Variants in COG5 observed in about 807,000 individuals in gnomAD.
The protein encoded by COG5 is conserved oligomeric Golgi complex subunit 5.
In COG5, 86 loss-of-function variants were observed where a neutral mutation model predicts 110.4. The ratio of observed to expected loss-of-function variants is 0.78; its 90% CI spans 0.65 to 0.93. The LOEUF (loss-of-function observed/expected upper bound fraction) is 0.93. COG5 is among the 40% of genes least tolerant of loss of function. The pLI is 0.00. For missense variants in COG5, 1,077 were observed against 987.0 expected (o/e 1.09, Z -1.22); for synonymous variants, 360 against 334.6 (o/e 1.08, Z -0.83).
intron 5 of COG5, among the ~76,000 whole-genome samples, chr7:107,534,500 A>G (rs1801438700): frequency 1.3e-5 from 2 of 151,370 alleles, no homozygotes; most frequent in African/African-American, 4.9e-5. Flanking sequence ...GCAAAAAAAA[A>G]AAAAGTGGGG....
At chr7:107,509,106 A>C (rs1329392010) in intron 6 of COG5, among the ~76,000 whole-genome samples, 1 of 152,204 alleles carries the variant, frequency 6.6e-6, no homozygotes, top group East Asian at 1.9e-4. Context: ...TCTGAGCTAA[A>C]GGAGAAAGTT....
intron 19 of COG5, among the ~76,000 whole-genome samples, chr7:107,226,538 C>T (rs116368537): frequency 3.7e-4 from 57 of 152,262 alleles, no homozygotes; most frequent in Non-Finnish European, 6.5e-4. Flanking sequence ...TGGTAGGACC[C>T]GCCACATGGG....
At position 107,201,541 on chromosome 7, in the gene COG5, AGATACT is replaced by A; in HGVS notation, c.*1969_*1974del. 2 of 606,536 alleles carry A rather than the reference AGATACT, an allele frequency of 3.3e-6. No individual in the cohort carries two copies. The highest frequency in any genetic ancestry group is 5.3e-4 in the Middle Eastern group (2 of 3,776). The allele number at this position is 606,536 out of a possible 1,614,324, so 37.6% of individuals were successfully genotyped here. ...TTTGTCCTCAATTCGTGTGACCATA[AGATACT>A]GATAGCATTGAGTCTTGAAATGATT... On this transcript the variant is annotated 3_prime_UTR_variant, in exon 22 of 22. Coordinates refer to ENST00000297135, the MANE Select transcript of COG5 (RefSeq NM_006348.5).
At chr7:107,538,883 T>C (rs1228619645) in intron 5 of COG5, among the ~76,000 whole-genome samples, 2 of 152,122 alleles carry the variant, frequency 1.3e-5, no homozygotes, top group African/African-American at 4.8e-5. Flanking sequence ...ATTGAATGGA[T>C]AAACAAAATG....
chr7:107,268,126 G>T lies in COG5; in HGVS notation c.1576-9743C>A, dbSNP rs140646479. On this transcript the variant is annotated intron_variant, in intron 14 of 21. Transcript: ENST00000297135. ...TGAGATTACAGGCATGCACCACCAC[G>T]CCTGGCTAATTTTGTAGTTTTAGCA... Among the ~76,000 whole-genome samples the T allele has an allele frequency of 3.9e-5, 6 of 152,040 alleles. No individual in the cohort carries two copies. In the South Asian group the frequency reaches 1.2e-3, roughly 32 times the overall value.
chr7:107,421,893 A>G (rs1009357614), intron 6 of COG5, among the ~76,000 whole-genome samples: 1 of 152,184 alleles, frequency 6.6e-6, no homozygotes, highest in African/African-American at 2.4e-5. Flanking sequence ...TTTCTCTTTG[A>G]TTTTGAATTG....
intron 6 of COG5, among the ~76,000 whole-genome samples, chr7:107,485,778 C>T (rs1797623653): frequency 6.6e-6 from 1 of 152,094 alleles, no homozygotes; most frequent in African/African-American, 2.4e-5. Context: ...CTTACAGAAG[C>T]AGAGGAGATA....
chr7:107,265,806 G>A (rs554880637), intron 14 of COG5, among the ~76,000 whole-genome samples: 1 of 152,252 alleles, frequency 6.6e-6, no homozygotes, highest in South Asian at 2.1e-4. Context: ...TGTAATCCCA[G>A]CACTTTAGGA....
Position 107,419,961 on chromosome 7 carries a change from A to G in COG5, c.539-7329T>C, listed in dbSNP as rs375566330. Among the ~76,000 whole-genome samples, 74 of 152,352 alleles carry G rather than the reference A, an allele frequency of 4.9e-4. 1 individual carries two copies. Among genetic ancestry groups the G allele is most frequent in the African/African-American group, 1.7e-3 (69 of 41,564 alleles). On this transcript the variant is annotated intron_variant, in intron 6 of 21. Coordinates refer to ENST00000297135, the MANE Select transcript of COG5 (RefSeq NM_006348.5). ...ACCATAAGTCTATATTTGAAAACCT[A>G]TTAAACCTTTTTAATAATCTTTGAA...
intron 6 of COG5, among the ~76,000 whole-genome samples, chr7:107,514,425 C>T (rs1799776055): frequency 6.6e-6 from 1 of 151,852 alleles, no homozygotes; most frequent in East Asian, 1.9e-4. Flanking sequence ...GTCATTTTCT[C>T]ATTTTCACTT....
Position 107,344,892 on chromosome 7 carries a change from C to T in COG5, c.1026+17141G>A, listed in dbSNP as rs995873434. ...TCTTTTAATTTTTTCAAGAACTTTT[C>T]CTTTGCATTTACAACTTGGCTAATT... On this transcript the variant is annotated intron_variant, in intron 10 of 21. Coordinates refer to ENST00000297135, the MANE Select transcript of COG5 (RefSeq NM_006348.5). 4.6e-5 allele frequency among the ~76,000 whole-genome samples: 7 copies of T among 152,252 alleles called. No homozygotes were observed. The South Asian group carries it at 1.5e-3, about 32-fold the overall frequency.
intron 11 of COG5, among the ~76,000 whole-genome samples, chr7:107,305,904 T>C (rs1173156437): frequency 6.6e-6 from 1 of 152,118 alleles, no homozygotes; most frequent in Non-Finnish European, 1.5e-5. Flanking sequence ...ATACGCACTT[T>C]GTATGTACAA....
intron 11 of COG5, among the ~76,000 whole-genome samples, chr7:107,300,951 C>G (rs1388494122): frequency 6.6e-6 from 1 of 152,042 alleles, no homozygotes; most frequent in African/African-American, 2.4e-5. Flanking sequence ...TAAAGACAGA[C>G]ACATAGATTA....
intron 7 of COG5, among the ~76,000 whole-genome samples, chr7:107,372,999 T>C (rs1030412557): frequency 6.6e-6 from 1 of 152,116 alleles, no homozygotes; most frequent in Non-Finnish European, 1.5e-5. Flanking sequence ...ACCATTTTTG[T>C]CCTCCTTTAA....
chr7:107,389,688 T>C (rs1425500462), intron 7 of COG5, among the ~76,000 whole-genome samples: 1 of 152,162 alleles, frequency 6.6e-6, no homozygotes, highest in South Asian at 2.1e-4. Flanking sequence ...GCCTTACTAA[T>C]GTCCTCACCT....
intron 17 of COG5, among the ~76,000 whole-genome samples, chr7:107,239,094 G>A (rs1162356370): frequency 6.6e-6 from 1 of 152,114 alleles, no homozygotes; most frequent in Non-Finnish European, 1.5e-5. Context: ...TTAGTTTCAG[G>A]TGTTACATTT....
chr7:107,432,261 A>C (rs1407402144), intron 6 of COG5, among the ~76,000 whole-genome samples: 2 of 152,218 alleles, frequency 1.3e-5, no homozygotes, highest in African/African-American at 2.4e-5. Context: ...AAAAGACCAT[A>C]ATGTTCTATA....
chr7:107,461,978 A>G (rs1022653024), intron 6 of COG5, among the ~76,000 whole-genome samples: 1 of 152,224 alleles, frequency 6.6e-6, no homozygotes, highest in African/African-American at 2.4e-5. Context: ...AGACAGGTTC[A>G]TTGTGATATC....
intron 6 of COG5, among the ~76,000 whole-genome samples, chr7:107,429,952 A>T (rs568718413): frequency 6.6e-6 from 1 of 152,180 alleles, no homozygotes; most frequent in South Asian, 2.1e-4. Flanking sequence ...GGACTAATAC[A>T]GTTGGGTTGT....
Sources: allele counts gnomAD v4.1 joint callset (sites outside exome capture counted in the v4.1 genomes callset), GRCh38; gene constraint gnomAD v4.1.1; transcripts MANE v1.5; gene names NCBI Gene and HGNC (gene_info 2026-07-23, HGNC 2026-07-21).